Variants in IFT52 observed in about 807,000 individuals in gnomAD.
IFT52 encodes intraflagellar transport 52, also known as intraflagellar transport protein 52 homolog.
In IFT52, 44 loss-of-function variants were observed where a neutral mutation model predicts 54.4. The ratio of observed to expected loss-of-function variants is 0.81; its 90% CI spans 0.63 to 1.04. The LOEUF is 1.04. IFT52 is among the 50% of genes least tolerant of loss of function. IFT52 has a pLI of 0.00. For synonymous variants in IFT52, 181 were observed against 185.3 expected (o/e 0.98, Z 0.19); for missense variants, 452 against 523.6 (o/e 0.86, Z 1.33).
At chr20:43,624,698 C>T (rs902577728) in intron 10 of IFT52, among the ~76,000 whole-genome samples, 6 of 152,120 alleles carry the variant, frequency 3.9e-5, no homozygotes, top group African/African-American at 1.4e-4. Flanking sequence ...GTTAAAAGTA[C>T]AGGACAGCGG....
chr20:43,617,449 GT>G (rs11290246), intron 7 of IFT52, among the ~76,000 whole-genome samples: 110,042 of 145,478 alleles, frequency 0.76, 41,534 homozygotes, highest in East Asian at 0.79. Context: ...TAGTTTTCTG[GT>G]TTTTTTTTTT....
intron 9 of IFT52, among the ~76,000 whole-genome samples, chr20:43,622,774 GTAAATA>G: frequency 1.2e-5 from 1 of 83,878 alleles, no homozygotes; most frequent in Non-Finnish European, 2.5e-5. Flanking sequence ...CAAATTGTGT[GTAAATA>G]TAAATATATA....
At chr20:43,635,134 C>T (rs1378230278) in intron 10 of IFT52, among the ~76,000 whole-genome samples, 2 of 150,792 alleles carry the variant, frequency 1.3e-5, no homozygotes, top group Non-Finnish European at 2.9e-5. Flanking sequence ...CGCCACTGCA[C>T]TCCAGACTAG....
chr20:43,627,933 T>G (rs1290088343), intron 10 of IFT52, among the ~76,000 whole-genome samples: 2 of 144,528 alleles, frequency 1.4e-5, no homozygotes, highest in Non-Finnish European at 3.0e-5. Flanking sequence ...TTTTTTTTTT[T>G]TTTTTTTTTT....
chr20:43,603,608 C>G (rs183959880), intron 3 of IFT52, 152 bp from the exon 4 acceptor site: 360 of 647,894 alleles, frequency 5.6e-4, no homozygotes, highest in Non-Finnish European at 8.0e-4. Context: ...GGAGATCCTA[C>G]ATAGAGAGTA....
In IFT52 at chr20:43,610,606, G is replaced by T. The variant is rs144124433; in HGVS notation, c.486-3244G>T. Among the ~76,000 whole-genome samples the T allele has an allele frequency of 4.6e-3, 692 of 152,010 alleles. 2 individuals carry two copies. Among genetic ancestry groups the T allele is most frequent in the Middle Eastern group, 6.8e-3 (2 of 292 alleles). On this transcript the variant is annotated intron_variant, in intron 6 of 13. Coordinates refer to ENST00000373030, the MANE Select transcript of IFT52 (RefSeq NM_016004.5). ...AAAACAAAATTAGCCAGGCGTGGTG[G>T]CGGGCACCTGTAGTCCCAACTACTC...
At position 43,604,166 on chromosome 20, in the gene IFT52, C is replaced by G. The variant is rs375607237; in HGVS notation, c.338-17C>G. On this transcript the variant is annotated splice_polypyrimidine_tract_variant and intron_variant, in intron 4 of 13. Transcript: ENST00000373030. ...TTTCTAACCTAAAATATACCTCCTT[C>G]TCTTTTTCCCTCATAGATGCTGTGG... 84 of 1,574,022 alleles carry G rather than the reference C, an allele frequency of 5.3e-5. No individual in the cohort carries two copies. Among genetic ancestry groups the G allele is most frequent in the Admixed American group, 1.0e-4 (6 of 59,838 alleles).
At chr20:43,628,816 A>G (rs1199765515) in intron 10 of IFT52, among the ~76,000 whole-genome samples, 3 of 151,696 alleles carry the variant, frequency 2.0e-5, no homozygotes, top group Non-Finnish European at 2.9e-5. Context: ...GCGCCACTGC[A>G]TTCCAGCCTG....
chr20:43,597,310 G>A (rs1300469401), intron 3 of IFT52, among the ~76,000 whole-genome samples: 1 of 149,656 alleles, frequency 6.7e-6, no homozygotes, highest in African/African-American at 2.5e-5. Context: ...GGCGGAGCTT[G>A]CTGTGTGCCA....
chr20:43,608,763 C>G (rs944828329), intron 6 of IFT52, among the ~76,000 whole-genome samples: 1 of 151,788 alleles, frequency 6.6e-6, no homozygotes, highest in South Asian at 2.1e-4. Flanking sequence ...AAAATTTAGC[C>G]GGTCGTTGGT....
chr20:43,596,336 C>T, intron 2 of IFT52, 99 bp from the exon 3 acceptor site: 2 of 699,230 alleles, frequency 2.9e-6, no homozygotes, highest in Non-Finnish European at 4.9e-6. Flanking sequence ...ATCTCTGAGC[C>T]TCTGTGGCCT....
chr20:43,638,300 C>G (rs1011381357), intron 12 of IFT52, among the ~76,000 whole-genome samples: 1 of 152,062 alleles, frequency 6.6e-6, no homozygotes, highest in Non-Finnish European at 1.5e-5. Context: ...AAGCGATTCT[C>G]CTGCCTCAGC....
chr20:43,594,198 C>G (rs144906030), intron 1 of IFT52, among the ~76,000 whole-genome samples: 18 of 152,192 alleles, frequency 1.2e-4, no homozygotes, highest in African/African-American at 4.3e-4. Context: ...ATCCTGGCAA[C>G]TCAGGAGGCT....
In IFT52 at chr20:43,622,968, G is replaced by C. The variant is rs1470419489; in HGVS notation, c.769-923G>C. On this transcript the variant is annotated intron_variant, in intron 9 of 13. Transcript: ENST00000373030. ...AATGCTGGAGGGATGTCCTTGGCTA[G>C]GGGAGAAGGACTGGGATCTAGTGTA... Among the ~76,000 whole-genome samples, 4 of 151,962 alleles carry C rather than the reference G, an allele frequency of 2.6e-5. No homozygotes were observed. The East Asian group carries it at 5.8e-4, about 22-fold the overall frequency.
chr20:43,610,812 T>C (rs190310653), intron 6 of IFT52, among the ~76,000 whole-genome samples: 3 of 152,160 alleles, frequency 2.0e-5, no homozygotes, highest in Non-Finnish European at 4.4e-5. Context: ...CTGGTATAGG[T>C]AAAAGAACTG....
At chr20:43,629,715 G>C (rs1206229247) in intron 10 of IFT52, among the ~76,000 whole-genome samples, 1 of 152,172 alleles carries the variant, frequency 6.6e-6, no homozygotes, top group Non-Finnish European at 1.5e-5. Flanking sequence ...GGGACAATTT[G>C]CTCTAAGTTA....
chr20:43,640,860 A>T (rs1033982557), intron 12 of IFT52, among the ~76,000 whole-genome samples: 5 of 151,848 alleles, frequency 3.3e-5, no homozygotes, highest in African/African-American at 1.2e-4. Flanking sequence ...ACATGGTGAA[A>T]CCCCGTCTCA....
intron 10 of IFT52, among the ~76,000 whole-genome samples, chr20:43,631,420 T>G (rs1985162126): frequency 1.3e-5 from 2 of 152,204 alleles, no homozygotes; most frequent in South Asian, 4.1e-4. Flanking sequence ...TGAGCTCATT[T>G]AATCGTCTTT....
intron 12 of IFT52, among the ~76,000 whole-genome samples, chr20:43,641,053 A>T (rs1985882764): frequency 6.7e-6 from 1 of 148,446 alleles, no homozygotes. Flanking sequence ...AAAAAAAAAA[A>T]AGGAAGAAAG....
Sources: gnomAD v4.1 joint callset for allele counts (sites outside exome capture counted in the v4.1 genomes callset) on GRCh38, gnomAD v4.1.1 for gene constraint, MANE v1.5 for transcripts, NCBI Gene and HGNC (gene_info 2026-07-23, HGNC 2026-07-21) for gene names.